The following TNIK variants were observed in gnomAD, a reference collection of about 807,000 sequenced individuals.
TNIK encodes the protein TRAF2 and NCK-interacting protein kinase.
Under a neutral mutation model 191.3 loss-of-function variants are expected in TNIK, and 49 were observed. The observed-to-expected ratio is 0.26, with a 90% CI of 0.20 to 0.32. The LOEUF is 0.32. Among genes scored for constraint, TNIK ranks in the 10% least tolerant of loss-of-function variants. The pLI is 1.00. For synonymous variants in TNIK, 594 were observed against 600.9 expected (o/e 0.99, Z 0.17); for missense variants, 1,155 against 1,702.3 (o/e 0.68, Z 5.66).
chr3:171,137,968 CAAAAAA>C (rs58897378), intron 15 of TNIK, among the ~76,000 whole-genome samples: 8 of 119,568 alleles, frequency 6.7e-5, no homozygotes, highest in African/African-American at 2.2e-4. Flanking sequence ...CAAAGATATA[CAAAAAA>C]AAAAAAAAAA....
chr3:171,389,267 C>A (rs1719140869), intron 1 of TNIK, among the ~76,000 whole-genome samples: 1 of 151,694 alleles, frequency 6.6e-6, no homozygotes, highest in Non-Finnish European at 1.5e-5. Context: ...ATGGAAGTAC[C>A]AGAAACTGTG....
chr3:171,262,582 G>A (rs1747780944), intron 2 of TNIK, among the ~76,000 whole-genome samples: 1 of 152,134 alleles, frequency 6.6e-6, no homozygotes, highest in African/African-American at 2.4e-5. Context: ...AGTTTTTCCT[G>A]GCTTCTCAAG....
At chr3:171,108,720 TA>T (rs1725361850) in intron 19 of TNIK, among the ~76,000 whole-genome samples, 1 of 152,228 alleles carries the variant, frequency 6.6e-6, no homozygotes, top group Non-Finnish European at 1.5e-5. Flanking sequence ...AAAAAAAATT[TA>T]TTTTATTTGG....
chr3:171,183,214 C>G (rs1326060129), intron 7 of TNIK, among the ~76,000 whole-genome samples: 1 of 152,154 alleles, frequency 6.6e-6, no homozygotes, highest in African/African-American at 2.4e-5. Flanking sequence ...CCTTCCTCCT[C>G]CAGACTTGAT....
intron 3 of TNIK, among the ~76,000 whole-genome samples, chr3:171,222,925 AAAAAG>A (rs200299906): frequency 0.016 from 2,473 of 152,258 alleles, 22 homozygotes; most frequent in South Asian, 0.032. Context: ...CTTGGTTTAA[AAAAAG>A]AAAAGAAAAG....
At chr3:171,332,331 TTACA>T (rs1216271942) in intron 2 of TNIK, among the ~76,000 whole-genome samples, 1 of 152,258 alleles carries the variant, frequency 6.6e-6, no homozygotes, top group Non-Finnish European at 1.5e-5. Flanking sequence ...GGAATTAGTT[TTACA>T]AACAATATAA....
intron 19 of TNIK, among the ~76,000 whole-genome samples, chr3:171,108,555 G>A (rs1725338035): frequency 1.3e-5 from 2 of 152,134 alleles, no homozygotes; most frequent in Admixed American, 6.5e-5. Flanking sequence ...CTGTCCGGAG[G>A]TCACACTGAA....
At chr3:171,130,177 T>C (rs1046068306) in intron 15 of TNIK, among the ~76,000 whole-genome samples, 10 of 152,170 alleles carry the variant, frequency 6.6e-5, no homozygotes, top group Non-Finnish European at 1.5e-4. Flanking sequence ...AGAGCTATTT[T>C]CCCCCATCCT....
At chr3:171,426,867 T>C (rs1212726771) in intron 1 of TNIK, among the ~76,000 whole-genome samples, 1 of 152,052 alleles carries the variant, frequency 6.6e-6, no homozygotes, top group Non-Finnish European at 1.5e-5. Context: ...AAGAGCGAGA[T>C]TCAGGTGTTG....
At chr3:171,425,737 A>T (rs1724467502) in intron 1 of TNIK, among the ~76,000 whole-genome samples, 1 of 151,638 alleles carries the variant, frequency 6.6e-6, no homozygotes, top group Non-Finnish European at 1.5e-5. Context: ...CTGAGGCAGG[A>T]GAATCCCTTG....
chr3:171,071,419 A>G, intron 28 of TNIK, 96 bp from the exon 29 acceptor site: 1 of 881,354 alleles, frequency 1.1e-6, no homozygotes, highest in Non-Finnish European at 1.6e-6. Context: ...ATGTAAATTT[A>G]AATATTGATG....
chr3:171,405,074 T>C (rs927967308), intron 1 of TNIK, among the ~76,000 whole-genome samples: 1 of 152,174 alleles, frequency 6.6e-6, no homozygotes, highest in East Asian at 1.9e-4. Context: ...TTCTTCTAGG[T>C]AGATACAATC....
At chr3:171,180,606 C>T (rs1736532651) in intron 7 of TNIK, among the ~76,000 whole-genome samples, 1 of 152,144 alleles carries the variant, frequency 6.6e-6, no homozygotes, top group African/African-American at 2.4e-5. Flanking sequence ...GAGAACGTAG[C>T]AAAACCTAAG....
chr3:171,158,954 C>A (rs1385260759), intron 11 of TNIK, among the ~76,000 whole-genome samples: 1 of 152,108 alleles, frequency 6.6e-6, no homozygotes, highest in African/African-American at 2.4e-5. Context: ...CAACTGAACA[C>A]CAGCCCGGCT....
chr3:171,323,446 G>T (rs796375848), intron 2 of TNIK, among the ~76,000 whole-genome samples: 1 of 152,132 alleles, frequency 6.6e-6, no homozygotes, highest in African/African-American at 2.4e-5. Flanking sequence ...GGATTACACC[G>T]CATGGATTAC....
chr3:171,119,096 T>C (rs560129788), intron 18 of TNIK, among the ~76,000 whole-genome samples: 2 of 151,864 alleles, frequency 1.3e-5, no homozygotes, highest in African/African-American at 4.8e-5. Context: ...AACAAATTTA[T>C]AAGAAAAAAA....
chr3:171,187,694 A>T (rs928053531), intron 7 of TNIK, among the ~76,000 whole-genome samples: 3 of 152,214 alleles, frequency 2.0e-5, no homozygotes, highest in Non-Finnish European at 4.4e-5. Flanking sequence ...CCTGCATTCA[A>T]GTGCTAACTC....
intron 4 of TNIK, among the ~76,000 whole-genome samples, chr3:171,195,509 G>A (rs1238691814): frequency 2.0e-5 from 3 of 152,100 alleles, no homozygotes. Flanking sequence ...CTAAAATGGA[G>A]CCACAATAAA....
intron 4 of TNIK, among the ~76,000 whole-genome samples, chr3:171,206,559 C>T (rs543254214): frequency 7.9e-5 from 12 of 152,164 alleles, no homozygotes; most frequent in African/African-American, 2.9e-4. Flanking sequence ...AAGTACCTAT[C>T]TGAAAATGGA....
Sources: allele counts gnomAD v4.1 joint callset (sites outside exome capture counted in the v4.1 genomes callset), GRCh38; gene constraint gnomAD v4.1.1; transcripts MANE v1.5; gene names NCBI Gene and HGNC (gene_info 2026-07-23, HGNC 2026-07-21).